Variants in IRAG1 observed in about 807,000 individuals in gnomAD.
IRAG1 encodes the protein inositol 1,4,5-triphosphate receptor associated 1, also known as IP3R-associated cGMP kinase substrate.
A neutral mutation model predicts 106.2 loss-of-function variants in IRAG1; 62 were observed. The observed-to-expected ratio is 0.58, with a 90% CI of 0.48 to 0.72. The LOEUF (loss-of-function observed/expected upper bound fraction) is 0.72, where lower values mean the gene tolerates loss of function less well. Among genes scored for constraint, IRAG1 ranks in the 30% least tolerant of loss-of-function variants. The pLI is 0.00. For synonymous variants in IRAG1, 462 were observed against 443.9 expected, an observed-to-expected ratio of 1.04 and a Z score of -0.51; for missense variants, 1,064 against 1,140.7, an observed-to-expected ratio of 0.93 and a Z score of 0.97.
At chr11:10,676,919 G>A (rs967857335) in intron 1 of IRAG1, among the ~76,000 whole-genome samples, 59 of 152,176 alleles carry the variant, frequency 3.9e-4, no homozygotes, top group African/African-American at 1.4e-3. Context: ...CTGCAGAGAC[G>A]ATGCCACAGC....
At chr11:10,634,337 TG>T (rs1318967717) in intron 2 of IRAG1, among the ~76,000 whole-genome samples, 1 of 152,254 alleles carries the variant, frequency 6.6e-6, no homozygotes, top group Admixed American at 6.5e-5. Context: ...TACAGTGTGA[TG>T]TTTTGATGTG....
chr11:10,635,365 G>C (rs1182958371), intron 2 of IRAG1, among the ~76,000 whole-genome samples: 1 of 152,174 alleles, frequency 6.6e-6, no homozygotes, highest in Non-Finnish European at 1.5e-5. Context: ...TAGCGTCCCA[G>C]AGCATGTTGC....
rs371544290 is a variant in IRAG1, at chr11:10,613,150, G to A, written c.1448-3299C>T. On this transcript the variant is annotated intron_variant, in intron 10 of 20. Coordinates refer to ENST00000423302, the MANE Select transcript of IRAG1 (RefSeq NM_130385.4). ...AGTGAACAAAACAAATGGAACAAAG[G>A]ACATATTCAAAGATATAACAGAAGA... Among the ~76,000 whole-genome samples the A allele has an allele frequency of 5.3e-5, 8 of 151,712 alleles. No homozygotes were observed. The South Asian group carries it at 1.0e-3, about 20-fold the overall frequency.
chr11:10,636,204 T>A (rs949609375), intron 2 of IRAG1, among the ~76,000 whole-genome samples: 1 of 152,220 alleles, frequency 6.6e-6, no homozygotes, highest in South Asian at 2.1e-4. Flanking sequence ...TTTTTATTTA[T>A]TTAATTTATT....
rs1461539428 is a variant in IRAG1, at chr11:10,626,144, C to T, written c.1190G>A (p.Ser397Asn). Residue 397 changes from serine (S) to asparagine (N), a missense_variant, in exon 9 of 21, where the codon AGT (serine) becomes AAT (asparagine). Ser to Asn is a conservative substitution (Grantham distance 46). Transcript: ENST00000423302. ...PPLLRGLSWD[S>N]GPEEPGPRLQ... ...CCGGGGGCCAGGTTCTTCAGGGCCA[C>T]TGTCCCAGGAGAGCCCTCGCAGCAG... 1.7e-5 allele frequency: 26 copies of T among 1,537,022 alleles called. No homozygotes were observed. Among genetic ancestry groups the T allele is most frequent in the Non-Finnish European group, 2.2e-5 (25 of 1,141,494 alleles).
At position 10,620,460 on chromosome 11, in the gene IRAG1, C is replaced by T. The variant is rs555613607; in HGVS notation, c.1447+3318G>A. ...TACCAACAAAAACCAAACAAATCAA[C>T]GAAAAACCCCAGACCTAAATGGGTA... On this transcript the variant is annotated intron_variant, in intron 10 of 20. Transcript: ENST00000423302. 1.2e-4 allele frequency among the ~76,000 whole-genome samples: 19 copies of T among 152,152 alleles called. No homozygotes were observed. In the South Asian group the frequency reaches 2.5e-3, roughly 20 times the overall value.
chr11:10,589,120 C>T (rs1002759068), intron 18 of IRAG1: 3 of 152,190 alleles, frequency 2.0e-5, no homozygotes, highest in South Asian at 2.1e-4. Context: ...GTAACCAGCT[C>T]TCAAGTATCT....
At chr11:10,615,563 A>G (rs1591612772) in intron 10 of IRAG1, among the ~76,000 whole-genome samples, 1 of 152,334 alleles carries the variant, frequency 6.6e-6, no homozygotes, top group East Asian at 1.9e-4. Flanking sequence ...CTGGATTAAG[A>G]AAATGTGGCA....
chr11:10,618,948 C>T (rs1339751278), intron 10 of IRAG1, among the ~76,000 whole-genome samples: 1 of 152,098 alleles, frequency 6.6e-6, no homozygotes, highest in Non-Finnish European at 1.5e-5. Context: ...ATGGTGTGAG[C>T]TGGGTTGGGG....
At chr11:10,579,554 T>C (rs1851179626) in intron 20 of IRAG1, among the ~76,000 whole-genome samples, 1 of 152,176 alleles carries the variant, frequency 6.6e-6, no homozygotes, top group Admixed American at 6.5e-5. Flanking sequence ...TAGCTGAATA[T>C]ATGAAATTGG....
At position 10,628,001 on chromosome 11, in the gene IRAG1, G is replaced by T; in HGVS notation, c.677C>A (p.Pro226Gln). 1 of 1,611,794 alleles carries T rather than the reference G, an allele frequency of 6.2e-7. No homozygotes were observed. The highest frequency in any genetic ancestry group is 1.1e-5 in the South Asian group (1 of 90,886). The change falls in exon 7 of 21, where the codon CCA (proline) becomes CAA (glutamine). Residue 226 changes from proline to glutamine, a missense_variant. By Grantham distance (76) the Pro-to-Gln change is moderately conservative (BLOSUM62 -1). Coordinates refer to ENST00000423302, the MANE Select transcript of IRAG1 (RefSeq NM_130385.4). This position sits in a 1 kb window ranked among gnomAD's most constrained non-coding sequence, Gnocchi z 4.1. ...TGGTGGTGCTCCAGGCAGAGGGGAT[G>T]GCGGGCCACTGCACACATCCAAACC... is the stretch of plus-strand genomic sequence containing the variant. Reference protein sequence around the residue: ...PPGLDVCSGPPSPLPGAPPQK... With the variant: ...PPGLDVCSGPQSPLPGAPPQK...
At position 10,665,943 on chromosome 11, in the gene IRAG1, T is replaced by C. The variant is rs2135059856; in HGVS notation, c.68-13761A>G. 6.6e-6 allele frequency among the ~76,000 whole-genome samples: 1 copy of C among 152,102 alleles called. No homozygotes were observed. Among genetic ancestry groups the C allele is most frequent in the Admixed American group, 6.5e-5 (1 of 15,288 alleles). On this transcript the variant is annotated intron_variant, in intron 1 of 20. Transcript: ENST00000423302. The surrounding 1 kb of genome is among the most constrained non-coding windows in gnomAD (Gnocchi z 4.2). ...GTTGAGAACAGGTTATGGTGAACAG[T>C]GATATGCAATGGCAGGGGTGGGTGG...
intron 2 of IRAG1, among the ~76,000 whole-genome samples, chr11:10,643,689 C>A (rs936638758): frequency 6.6e-6 from 1 of 152,104 alleles, no homozygotes; most frequent in Non-Finnish European, 1.5e-5. Flanking sequence ...AATTATCTAC[C>A]CAACCTATCA....
At position 10,628,710 on chromosome 11, in the gene IRAG1, C is replaced by T. The variant is rs573964197; in HGVS notation, c.652+41G>A. The stretch of plus-strand genomic sequence containing the variant: ...GTCCAGGCTGAGCTGCCACCCAGAG[C>T]GAGAGGCAGGGCAGGAAGTCCCCGG... On this transcript the variant is annotated intron_variant, in intron 6 of 20. Coordinates refer to ENST00000423302, the MANE Select transcript of IRAG1 (RefSeq NM_130385.4). The surrounding 1 kb of genome is among the most constrained non-coding windows in gnomAD (Gnocchi z 4.1). 39 of 1,458,354 alleles carry T rather than the reference C, an allele frequency of 2.7e-5. No individual in the cohort carries two copies. In the South Asian group the frequency reaches 3.7e-4, roughly 14 times the overall value. 90.3% of individuals were successfully genotyped at this position (1,458,354 alleles called of 1,614,324 possible). A position where few individuals can be genotyped will look rare whatever the true frequency, so the allele number is the denominator to read the frequency against.
intron 10 of IRAG1, among the ~76,000 whole-genome samples, chr11:10,622,901 A>ACACACACACACACACACACACACT (rs1220390921): frequency 6.6e-6 from 1 of 150,996 alleles, no homozygotes; most frequent in Non-Finnish European, 1.5e-5. Context: ...ACACACACAC[A>ACACACACACACACACACACACACT]CTCCTGCCCT....
At chr11:10,666,552 G>A (rs141417791) in intron 1 of IRAG1, among the ~76,000 whole-genome samples, 4 of 152,330 alleles carry the variant, frequency 2.6e-5, no homozygotes, top group South Asian at 2.1e-4. Context: ...GTTTGTCATC[G>A]TGGAGAAGGT....
At chr11:10,582,051 A>T (rs1306062641) in intron 18 of IRAG1, 65 bp from the exon 19 acceptor site, 2 of 1,537,864 alleles carry the variant, frequency 1.3e-6, no homozygotes, top group Non-Finnish European at 1.8e-6. Context: ...AAACAAAACC[A>T]TGTTTTTGGC....
At chr11:10,587,589 A>C (rs1234921516) in intron 18 of IRAG1, among the ~76,000 whole-genome samples, 1 of 152,224 alleles carries the variant, frequency 6.6e-6, no homozygotes, top group East Asian at 1.9e-4. Context: ...AGAGTATAGA[A>C]ACATGGTTAT....
chr11:10,626,397 T>A lies in IRAG1; in HGVS notation c.937A>T (p.Ser313Cys). 1 of 1,613,896 alleles carries A rather than the reference T, an allele frequency of 6.2e-7. No homozygotes were observed. Among genetic ancestry groups the A allele is most frequent in the Non-Finnish European group, 8.5e-7 (1 of 1,179,854 alleles). The part of the protein sequence containing the change: ...PKGLAPVTNS[S>C]GKMALNSPQP... ...GGGCTGTTCAGGGCCATTTTCCCAC[T>A]GCTGTTTGTAACAGGAGCTAGGCCT... is the stretch of plus-strand genomic sequence containing the variant. Residue 313 changes from serine to cysteine, a missense_variant, in exon 9 of 21, where the codon AGT becomes TGT. Transcript: ENST00000423302.
Sources: allele counts gnomAD v4.1 joint callset (sites outside exome capture counted in the v4.1 genomes callset), GRCh38; gene constraint gnomAD v4.1.1; non-coding constraint Gnocchi (gnomAD v3.1); transcripts MANE v1.5; gene names NCBI Gene and HGNC (gene_info 2026-07-23, HGNC 2026-07-21).